TMEM163: variants seen among roughly 807,000 people sequenced by gnomAD.
TMEM163 encodes transmembrane protein 163.
Under a neutral mutation model 29.3 loss-of-function variants are expected in TMEM163, and 17 were observed. The observed-to-expected ratio is 0.58, with a 90% CI of 0.40 to 0.87. The LOEUF is 0.87. Among genes scored for constraint, TMEM163 ranks in the 40% least tolerant of loss-of-function variants. The probability of loss-of-function intolerance (pLI) is 0.00; values close to 1 mark genes in which losing one functional copy is unlikely to be tolerated. For missense variants in TMEM163, 303 were observed against 381.5 expected (o/e 0.79, Z 1.71); for synonymous variants, 157 against 160.6 (o/e 0.98, Z 0.17).
intron 4 of TMEM163, among the ~76,000 whole-genome samples, chr2:134,523,893 T>C (rs1412893838): frequency 1.3e-5 from 2 of 152,210 alleles, no homozygotes; most frequent in African/African-American, 4.8e-5. Flanking sequence ...ACATTTTTGG[T>C]TGTCAAAACC....
At chr2:134,516,372 C>T (rs1233003053) in intron 4 of TMEM163, among the ~76,000 whole-genome samples, 1 of 151,830 alleles carries the variant, frequency 6.6e-6, no homozygotes, top group Admixed American at 6.6e-5. Flanking sequence ...ACTAGCCTGG[C>T]CAACATGGTG....
At chr2:134,485,598 A>T (rs575001379) in intron 5 of TMEM163, among the ~76,000 whole-genome samples, 1 of 152,298 alleles carries the variant, frequency 6.6e-6, no homozygotes, top group East Asian at 1.9e-4. Flanking sequence ...CCTCCGGGAA[A>T]CCTCGTTCTG....
At chr2:134,689,351 G>A (rs1394010856) in intron 2 of TMEM163, among the ~76,000 whole-genome samples, 2 of 152,078 alleles carry the variant, frequency 1.3e-5, no homozygotes, top group African/African-American at 4.8e-5. Context: ...CAGGTGATCT[G>A]CCTGCCTCGG....
chr2:134,597,393 T>A (rs1271799847), intron 2 of TMEM163, among the ~76,000 whole-genome samples: 1 of 152,240 alleles, frequency 6.6e-6, no homozygotes, highest in African/African-American at 2.4e-5. Context: ...TGTCTTTGGT[T>A]CTGTTTATAT....
At chr2:134,525,453 G>A (rs17731691) in intron 4 of TMEM163, among the ~76,000 whole-genome samples, 5 of 151,992 alleles carry the variant, frequency 3.3e-5, no homozygotes, top group East Asian at 1.9e-4. Context: ...TATCACAATC[G>A]CCTCTAGATT....
chr2:134,573,755 T>G (rs1012162458), intron 2 of TMEM163, among the ~76,000 whole-genome samples: 23 of 152,250 alleles, frequency 1.5e-4, no homozygotes, highest in African/African-American at 5.1e-4. Context: ...CCATAAATTT[T>G]AGACTGAATT....
At chr2:134,542,887 C>T (rs1423319248) in intron 4 of TMEM163, among the ~76,000 whole-genome samples, 2 of 152,150 alleles carry the variant, frequency 1.3e-5, no homozygotes, top group Non-Finnish European at 2.9e-5. Context: ...AGATGCATTA[C>T]TACAATCTCT....
At chr2:134,603,148 C>T (rs1019530542) in intron 2 of TMEM163, among the ~76,000 whole-genome samples, 1 of 152,130 alleles carries the variant, frequency 6.6e-6, no homozygotes, top group Non-Finnish European at 1.5e-5. Context: ...ATAGCCACAA[C>T]TAAATCATCT....
At chr2:134,717,626 T>C (rs4954169) in intron 1 of TMEM163, among the ~76,000 whole-genome samples, 31,785 of 152,092 alleles carry the variant, frequency 0.21, 3,786 homozygotes, top group Middle Eastern at 0.4. Flanking sequence ...AAACCCGCCA[T>C]AGCCAACAAA....
At chr2:134,633,434 G>A (rs1376306121) in intron 2 of TMEM163, among the ~76,000 whole-genome samples, 1 of 152,086 alleles carries the variant, frequency 6.6e-6, no homozygotes, top group African/African-American at 2.4e-5. Flanking sequence ...GAAACCCTGA[G>A]GCGAGAGGAA....
chr2:134,465,243 T>TAC (rs1319535040), intron 6 of TMEM163, among the ~76,000 whole-genome samples: 96 of 141,352 alleles, frequency 6.8e-4, no homozygotes, highest in African/African-American at 2.6e-3. Flanking sequence ...CACACACACA[T>TAC]ACACACACAC....
chr2:134,540,369 T>A (rs1680639280), intron 4 of TMEM163, among the ~76,000 whole-genome samples: 1 of 152,260 alleles, frequency 6.6e-6, no homozygotes, highest in African/African-American at 2.4e-5. Context: ...TATCTGTGTC[T>A]GGCCAACAGC....
intron 5 of TMEM163, among the ~76,000 whole-genome samples, chr2:134,491,579 C>T (rs1386486411): frequency 6.6e-6 from 1 of 152,124 alleles, no homozygotes; most frequent in Non-Finnish European, 1.5e-5. Flanking sequence ...CTTAAAAGAC[C>T]TGGTTCCACT....
intron 4 of TMEM163, among the ~76,000 whole-genome samples, chr2:134,539,362 C>G (rs917696456): frequency 6.6e-6 from 1 of 152,128 alleles, no homozygotes; most frequent in African/African-American, 2.4e-5. Flanking sequence ...CCGAGGAAGG[C>G]GACATGCACT....
At chr2:134,491,719 G>A (rs1259412865) in intron 5 of TMEM163, among the ~76,000 whole-genome samples, 1 of 152,174 alleles carries the variant, frequency 6.6e-6, no homozygotes, top group Non-Finnish European at 1.5e-5. Flanking sequence ...CACCCTGAAG[G>A]TCTAATGAGA....
chr2:134,580,276 C>T (rs1015957559), intron 2 of TMEM163, among the ~76,000 whole-genome samples: 2 of 152,246 alleles, frequency 1.3e-5, no homozygotes, highest in Non-Finnish European at 2.9e-5. Flanking sequence ...ATTAGGCCAC[C>T]TCAACCCCAT....
chr2:134,710,771 A>G (rs1291730904), intron 2 of TMEM163, among the ~76,000 whole-genome samples: 1 of 152,150 alleles, frequency 6.6e-6, no homozygotes, highest in Non-Finnish European at 1.5e-5. Flanking sequence ...AGCCATGTCC[A>G]TAAATACAGT....
At chr2:134,471,367 CT>C (rs1574157046) in intron 5 of TMEM163, among the ~76,000 whole-genome samples, 1 of 152,042 alleles carries the variant, frequency 6.6e-6, no homozygotes. Flanking sequence ...AACAGAAGAT[CT>C]TTTTCCCCAC....
intron 2 of TMEM163, among the ~76,000 whole-genome samples, chr2:134,573,788 G>A (rs1169067035): frequency 6.6e-6 from 1 of 152,170 alleles, no homozygotes; most frequent in Non-Finnish European, 1.5e-5. Flanking sequence ...ACTGTTTTAG[G>A]CTTTGTGTCT....
Sources: gnomAD v4.1 joint callset for allele counts (sites outside exome capture counted in the v4.1 genomes callset) on GRCh38, gnomAD v4.1.1 for gene constraint, MANE v1.5 for transcripts, NCBI Gene and HGNC (gene_info 2026-07-23, HGNC 2026-07-21) for gene names.